Variants in PER3 observed in about 807,000 individuals in gnomAD.
The protein encoded by PER3 is period circadian protein homolog 3.
Under a neutral mutation model 127.2 loss-of-function variants are expected in PER3, and 107 were observed. The observed-to-expected ratio is 0.84, with a 90% confidence interval of 0.72 to 0.99. The LOEUF is 0.99. Ranked by LOEUF, PER3 falls within the 50% of genes least tolerant of loss-of-function variation. The probability of loss-of-function intolerance (pLI) is 0.00; values close to 1 mark genes in which losing one functional copy is unlikely to be tolerated. For synonymous variants in PER3, 618 were observed against 585.8 expected (o/e 1.05, Z -0.79); for missense variants, 1,560 against 1,525.8 (o/e 1.02, Z -0.37).
At chr1:7,802,062 A>G (rs2097173031) in intron 8 of PER3, among the ~76,000 whole-genome samples, 1 of 152,362 alleles carries the variant, frequency 6.6e-6, no homozygotes, top group East Asian at 1.9e-4. Flanking sequence ...TCAGCTAAAT[A>G]TAATTCTAAA....
Position 7,826,163 on chromosome 1 carries a change from C to CAAAGG in PER3, c.1958-317_1958-316insAAAGG, listed in dbSNP as rs2097300638. ...TTTTTGAACCACATGAATATATTAC[C>CAAAGG]TATTTAAAAGGTAAGTTCAAAGATA... On this transcript the variant is annotated intron_variant, in intron 16 of 21. Transcript: ENST00000377532. This position sits in a 1 kb window ranked among gnomAD's most constrained non-coding sequence, Gnocchi z 4.2. Among the ~76,000 whole-genome samples, 1 of 151,882 alleles carries CAAAGG rather than the reference C, an allele frequency of 6.6e-6. No individual in the cohort carries two copies. Among genetic ancestry groups the CAAAGG allele is most frequent in the Non-Finnish European group, 1.5e-5 (1 of 67,990 alleles).
At chr1:7,842,416 C>T (rs1359462881) in intron 21 of PER3, among the ~76,000 whole-genome samples, 1 of 151,944 alleles carries the variant, frequency 6.6e-6, no homozygotes, top group East Asian at 1.9e-4. Context: ...AAGAGAATCG[C>T]TTGAACCTGG....
chr1:7,795,458 C>T (rs1309159005), intron 6 of PER3, among the ~76,000 whole-genome samples: 1 of 152,180 alleles, frequency 6.6e-6, no homozygotes, highest in Non-Finnish European at 1.5e-5. Flanking sequence ...GATCCAGGAA[C>T]TCTTAGGAAG....
At chr1:7,803,260 A>G (rs2097178394) in intron 9 of PER3, 107 bp downstream of exon 9, 1 of 754,356 alleles carries the variant, frequency 1.3e-6, no homozygotes, top group Non-Finnish European at 2.4e-6. Context: ...GAGGCATTAC[A>G]TTGAAGCTGC....
rs772228831 is a variant in PER3 at position 7,827,234 on chromosome 1, A to AGGG, written c.2307_2309dup (p.Gly770dup). On this transcript the variant is annotated inframe_insertion, in exon 18 of 22. Coordinates refer to ENST00000377532, the MANE Select transcript of PER3 (RefSeq NM_001377275.1). The stretch of plus-strand genomic sequence containing the variant: ...CTCGAACACCGGCTCTGGTCCCCGC[A>AGGG]GGGGAGCGCATCAGAACGCACAGCC... 6.2e-7 allele frequency: 1 copy of AGGG among 1,613,924 alleles called. No homozygotes were observed. Among genetic ancestry groups the AGGG allele is most frequent in the Non-Finnish European group, 8.5e-7 (1 of 1,179,942 alleles).
At chr1:7,831,935 C>T (rs934646748) in intron 19 of PER3, among the ~76,000 whole-genome samples, 5 of 152,048 alleles carry the variant, frequency 3.3e-5, no homozygotes, top group Admixed American at 3.3e-4. Context: ...ATTCTGTTTT[C>T]TGGAAGAGTT....
intron 5 of PER3, among the ~76,000 whole-genome samples, chr1:7,790,798 CA>C (rs200888640): frequency 0.012 from 1,810 of 152,272 alleles, 26 homozygotes; most frequent in African/African-American, 0.04. Flanking sequence ...AGAAATTGGC[CA>C]AAACAAAGGG....
At chr1:7,807,879 C>T (rs532647570) in intron 10 of PER3, among the ~76,000 whole-genome samples, 5 of 152,118 alleles carry the variant, frequency 3.3e-5, no homozygotes, top group Admixed American at 6.5e-5. Flanking sequence ...GGAGAAAATA[C>T]GTGTAAAGCA....
In PER3 at chr1:7,827,740, A is replaced by G. The variant is rs138410357; in HGVS notation, c.2811A>G (p.Leu937=). ...SRSSSPLQLN[L]LQEEMPRPSE... is the part of the protein sequence containing the mutation. ...GCAGCTCACCCTTGCAGTTAAACTT[A>G]CTTCAGGAAGAGATGCCCAGACCCT... Residue 937 remains leucine, a synonymous_variant, in exon 18 of 22, where the codon TTA becomes TTG. Transcript: ENST00000377532. 9.0e-4 allele frequency: 1,454 copies of G among 1,613,978 alleles called. No individual in the cohort carries two copies. The highest frequency in any genetic ancestry group is 1.1e-3 in the Non-Finnish European group (1,333 of 1,180,030).
At chr1:7,785,417 T>C (rs1305730439) in intron 2 of PER3, 24 bp from the exon 3 acceptor site, 2 of 1,596,516 alleles carry the variant, frequency 1.3e-6, no homozygotes, top group Non-Finnish European at 1.7e-6. Context: ...GAGGATGAAG[T>C]TGTAATTTTT....
In PER3 at chr1:7,793,944, T is replaced by C; in HGVS notation, c.593-13T>C. On this transcript the variant is annotated splice_polypyrimidine_tract_variant and intron_variant, in intron 5 of 21. Transcript: ENST00000377532. Reference sequence around the variant, plus strand: ...ATAAGAGGGAGTGACTGACCAGGCATCTTTCTTTCTAGCAGCTGCACGGTA... The same window carrying C: ...ATAAGAGGGAGTGACTGACCAGGCACCTTTCTTTCTAGCAGCTGCACGGTA... 1 of 1,611,842 alleles carries C rather than the reference T, an allele frequency of 6.2e-7. No homozygotes were observed.
Position 7,810,335 on chromosome 1 carries a change from T to C in PER3, c.1372-103T>C, listed in dbSNP as rs556589439. The C allele has an allele frequency of 1.5e-5, 13 of 855,150 alleles. No individual in the cohort carries two copies. The East Asian group carries it at 2.5e-4, about 17-fold the overall frequency. The allele number at this position is 855,150 out of a possible 1,614,324, so 53.0% of individuals were successfully genotyped here. ...TAAAGTGATTACTGTGCTTCAGTCA[T>C]TATATCTTCAAAGAAACAGAAGCTA... is the stretch of plus-strand genomic sequence containing the variant. On this transcript the variant is annotated intron_variant, in intron 12 of 21. Coordinates refer to ENST00000377532, the MANE Select transcript of PER3 (RefSeq NM_001377275.1).
chr1:7,833,587 A>ATT (rs1284807705), intron 19 of PER3, among the ~76,000 whole-genome samples: 1 of 151,942 alleles, frequency 6.6e-6, no homozygotes, highest in Admixed American at 6.6e-5. Flanking sequence ...TACATGGTAA[A>ATT]TTTTTTTCAT....
chr1:7,806,225 A>T (rs183242184), intron 10 of PER3, among the ~76,000 whole-genome samples: 10 of 152,290 alleles, frequency 6.6e-5, no homozygotes, highest in Non-Finnish European at 1.2e-4. Flanking sequence ...TATCTCTCTC[A>T]GTCCTTCCCA....
At chr1:7,802,977 G>T in intron 8 of PER3, 70 bp from the exon 9 acceptor site, 2 of 846,546 alleles carry the variant, frequency 2.4e-6, no homozygotes, top group South Asian at 2.7e-5. Context: ...ATGAAATACA[G>T]AAGTATTTTT....
chr1:7,795,683 G>A (rs2097142197), intron 6 of PER3, among the ~76,000 whole-genome samples: 2 of 152,198 alleles, frequency 1.3e-5, no homozygotes, highest in Non-Finnish European at 2.9e-5. Context: ...GGGAAAGCAC[G>A]GGCCACACCA....
In PER3 at chr1:7,793,947, T is replaced by A; in HGVS notation, c.593-10T>A. 1.2e-6 allele frequency: 2 copies of A among 1,612,870 alleles called. No individual in the cohort carries two copies. The highest frequency in any genetic ancestry group is 1.7e-6 in the Non-Finnish European group (2 of 1,178,804). ...AGAGGGAGTGACTGACCAGGCATCT[T>A]TCTTTCTAGCAGCTGCACGGTATGA... On this transcript the variant is annotated splice_polypyrimidine_tract_variant and intron_variant, in intron 5 of 21. Transcript: ENST00000377532.
chr1:7,827,848 G>T, intron 18 of PER3, 33 bp downstream of exon 18: 1 of 1,511,896 alleles, frequency 6.6e-7, no homozygotes, highest in Middle Eastern at 1.7e-4. Context: ...ACTCAAGTGA[G>T]AAAGTGAATA....
At chr1:7,839,242 T>A (rs1025320297) in intron 21 of PER3, among the ~76,000 whole-genome samples, 1 of 152,242 alleles carries the variant, frequency 6.6e-6, no homozygotes, top group African/African-American at 2.4e-5. Context: ...ATCTCCATCT[T>A]CTTTCAGTTA....
Sources: gnomAD v4.1 joint callset for allele counts (sites outside exome capture counted in the v4.1 genomes callset) on GRCh38, gnomAD v4.1.1 for gene constraint, Gnocchi (gnomAD v3.1) non-coding constraint, MANE v1.5 for transcripts, NCBI Gene and HGNC (gene_info 2026-07-23, HGNC 2026-07-21) for gene names.